Variants in WDR41 observed in about 807,000 individuals in gnomAD.
The protein encoded by WDR41 is WD repeat domain 41.
In WDR41, 63 loss-of-function variants were observed where a neutral mutation model predicts 69.3. The observed-to-expected ratio is 0.91, with a 90% confidence interval of 0.74 to 1.12. The LOEUF is 1.12. Among genes scored for constraint, WDR41 ranks in the 50% most tolerant of loss-of-function variants. The pLI is 0.00. For synonymous variants in WDR41, 185 were observed against 192.1 expected (o/e 0.96, Z 0.31); for missense variants, 543 against 534.5 (o/e 1.02, Z -0.16).
chr5:77,485,700 T>TA (rs1224213513), intron 2 of WDR41, among the ~76,000 whole-genome samples: 1 of 152,236 alleles, frequency 6.6e-6, no homozygotes, highest in Non-Finnish European at 1.5e-5. Context: ...TAACCTTCTT[T>TA]AGTGATCTCT....
chr5:77,457,029 T>C (rs894596201), intron 5 of WDR41, among the ~76,000 whole-genome samples: 24 of 152,286 alleles, frequency 1.6e-4, no homozygotes, highest in African/African-American at 4.8e-4. Context: ...AATACGAAAT[T>C]AGCCTTGAGA....
At chr5:77,491,508 A>C (rs763921133) in intron 1 of WDR41, among the ~76,000 whole-genome samples, 6 of 152,186 alleles carry the variant, frequency 3.9e-5, no homozygotes, top group Middle Eastern at 3.2e-3. Context: ...AAGACTGCAA[A>C]AATTATTTTA....
intron 1 of WDR41, among the ~76,000 whole-genome samples, chr5:77,505,692 T>C (rs956638678): frequency 3.3e-5 from 5 of 152,086 alleles, no homozygotes; most frequent in African/African-American, 9.7e-5. Flanking sequence ...AACAGATATA[T>C]AGACCAATGG....
At chr5:77,464,839 A>C in intron 2 of WDR41, 30 bp from the exon 3 acceptor site, 2 of 1,611,070 alleles carry the variant, frequency 1.2e-6, no homozygotes, top group Non-Finnish European at 1.7e-6. Flanking sequence ...CAAGAAAAAA[A>C]AATCACTGGT....
At chr5:77,534,459 A>G (rs996685322) in intron 1 of WDR41, among the ~76,000 whole-genome samples, 2 of 152,092 alleles carry the variant, frequency 1.3e-5, no homozygotes, top group African/African-American at 4.8e-5. Context: ...TTTTTGAGAC[A>G]GAGTCTCACT....
At chr5:77,438,144 T>G in intron 10 of WDR41, 96 bp downstream of exon 10, 1 of 1,557,530 alleles carries the variant, frequency 6.4e-7, no homozygotes, top group Non-Finnish European at 8.7e-7. Context: ...GGTCAAGCCA[T>G]GAAGCCAGGT....
At chr5:77,618,361 A>G (rs1031826477) in intron 1 of WDR41, among the ~76,000 whole-genome samples, 2 of 151,932 alleles carry the variant, frequency 1.3e-5, no homozygotes, top group Admixed American at 1.3e-4. Flanking sequence ...AATAAAGATG[A>G]CTAAACAAGT....
chr5:77,606,070 C>G (rs1744412030), intron 1 of WDR41, among the ~76,000 whole-genome samples: 1 of 152,100 alleles, frequency 6.6e-6, no homozygotes, highest in Non-Finnish European at 1.5e-5. Context: ...GTGGCCCTCC[C>G]AAGCAGAATT....
At chr5:77,609,005 C>T (rs886688130) in intron 1 of WDR41, among the ~76,000 whole-genome samples, 7 of 152,236 alleles carry the variant, frequency 4.6e-5, no homozygotes, top group Admixed American at 3.3e-4. Context: ...AGATTATATC[C>T]CGCACCTGGC....
chr5:77,508,208 A>G (rs1163845390), intron 1 of WDR41, among the ~76,000 whole-genome samples: 1 of 152,062 alleles, frequency 6.6e-6, no homozygotes, highest in Admixed American at 6.6e-5. Flanking sequence ...TGCAGCCTCG[A>G]CCACCCAGGC....
At chr5:77,572,356 G>C (rs1743748978) in intron 1 of WDR41, among the ~76,000 whole-genome samples, 1 of 152,180 alleles carries the variant, frequency 6.6e-6, no homozygotes, top group Non-Finnish European at 1.5e-5. Flanking sequence ...CAAATTACAT[G>C]TATCTGTTCT....
chr5:77,488,628 G>A (rs163026), intron 2 of WDR41, among the ~76,000 whole-genome samples: 4,833 of 152,158 alleles, frequency 0.032, 201 homozygotes, highest in South Asian at 0.19. Flanking sequence ...AAATGAGGTT[G>A]GGGGATTAGG....
intron 1 of WDR41, among the ~76,000 whole-genome samples, chr5:77,603,844 T>C (rs950751299): frequency 2.6e-5 from 4 of 152,198 alleles, no homozygotes; most frequent in Non-Finnish European, 4.4e-5. Flanking sequence ...CTTTCCCCAG[T>C]GCATGTTTCT....
chr5:77,581,006 G>A (rs1743930245), intron 1 of WDR41, among the ~76,000 whole-genome samples: 1 of 151,402 alleles, frequency 6.6e-6, no homozygotes, highest in South Asian at 2.1e-4. Flanking sequence ...AAGTAAAATG[G>A]CAGATGAAAA....
intron 2 of WDR41, among the ~76,000 whole-genome samples, chr5:77,485,880 C>T (rs1389911546): frequency 6.6e-6 from 1 of 151,622 alleles, no homozygotes; most frequent in African/African-American, 2.4e-5. Flanking sequence ...AATCCTTCTG[C>T]AAAATTTTCA....
intron 1 of WDR41, among the ~76,000 whole-genome samples, chr5:77,525,558 A>C (rs547241608): frequency 2.0e-5 from 3 of 152,288 alleles, no homozygotes; most frequent in African/African-American, 7.2e-5. Context: ...AAATGTAAAT[A>C]GTGGCTGAGC....
At chr5:77,505,781 C>T (rs1226009935) in intron 1 of WDR41, among the ~76,000 whole-genome samples, 14 of 152,014 alleles carry the variant, frequency 9.2e-5, no homozygotes, top group Admixed American at 3.3e-4. Flanking sequence ...AAACAAGAAA[C>T]GGGGAAAGGA....
At chr5:77,612,899 C>T (rs536847212) in intron 1 of WDR41, among the ~76,000 whole-genome samples, 2,903 of 151,426 alleles carry the variant, frequency 0.019, 31 homozygotes, top group Non-Finnish European at 0.031. Flanking sequence ...AAAACCCCAT[C>T]GTCTCAGCCC....
intron 1 of WDR41, among the ~76,000 whole-genome samples, chr5:77,501,424 A>G (rs1282052571): frequency 3.9e-5 from 6 of 152,242 alleles, no homozygotes; most frequent in Admixed American, 3.3e-4. Flanking sequence ...TACTGCCTCT[A>G]TAGACTCCAC....
Sources: allele counts gnomAD v4.1 joint callset (sites outside exome capture counted in the v4.1 genomes callset), GRCh38; gene constraint gnomAD v4.1.1; transcripts MANE v1.5; gene names NCBI Gene and HGNC (gene_info 2026-07-23, HGNC 2026-07-21).